NRG3: variants seen among roughly 807,000 people sequenced by gnomAD.
NRG3 encodes the protein neuregulin 3.
A neutral mutation model predicts 66.9 loss-of-function variants in NRG3; 31 were observed. The observed-to-expected ratio is 0.46, with a 90% CI of 0.35 to 0.63. NRG3 has a LOEUF of 0.63. Among genes scored for constraint, NRG3 ranks in the 20% least tolerant of loss-of-function variants. The probability of loss-of-function intolerance (pLI) is 0.00; values close to 1 mark genes in which losing one functional copy is unlikely to be tolerated. For synonymous variants in NRG3, 393 were observed against 359.4 expected, an observed-to-expected ratio of 1.09 and a Z score of -1.06; for missense variants, 910 against 878.9, an observed-to-expected ratio of 1.04 and a Z score of -0.45.
chr10:82,242,658 TAGA>T (rs1332037657), intron 1 of NRG3, among the ~76,000 whole-genome samples: 2 of 152,184 alleles, frequency 1.3e-5, no homozygotes, highest in Non-Finnish European at 2.9e-5. Context: ...ACTTGTATTG[TAGA>T]AGAAGACTTT....
intron 3 of NRG3, among the ~76,000 whole-genome samples, chr10:82,809,372 A>G (rs1228620146): frequency 1.3e-5 from 2 of 151,674 alleles, no homozygotes; most frequent in South Asian, 2.1e-4. Flanking sequence ...TATACAAAAA[A>G]TATATATTAT....
intron 3 of NRG3, among the ~76,000 whole-genome samples, chr10:82,863,564 G>A (rs2064256372): frequency 6.6e-6 from 1 of 152,184 alleles, no homozygotes; most frequent in Non-Finnish European, 1.5e-5. Flanking sequence ...ACTGGCGTGA[G>A]ATGGTATCTC....
At chr10:82,314,261 AGAG>A in intron 1 of NRG3, among the ~76,000 whole-genome samples, 1 of 152,178 alleles carries the variant, frequency 6.6e-6, no homozygotes, top group East Asian at 1.9e-4. Flanking sequence ...GCCCTATAAT[AGAG>A]GAGTTGTGGG....
chr10:81,964,729 C>T (rs911777924), intron 1 of NRG3, among the ~76,000 whole-genome samples: 1 of 152,138 alleles, frequency 6.6e-6, no homozygotes, highest in African/African-American at 2.4e-5. Flanking sequence ...TACCACACGG[C>T]CTCATCAATG....
chr10:82,237,591 A>G (rs962314036), intron 1 of NRG3, among the ~76,000 whole-genome samples: 12 of 151,848 alleles, frequency 7.9e-5, no homozygotes, highest in Non-Finnish European at 1.8e-4. Flanking sequence ...GCTATATAGT[A>G]GTGCTTAATA....
chr10:81,880,959 A>G (rs1432573371), intron 1 of NRG3, among the ~76,000 whole-genome samples: 1 of 152,204 alleles, frequency 6.6e-6, no homozygotes, highest in Non-Finnish European at 1.5e-5. Flanking sequence ...TACATAATGA[A>G]GTGAGCAATG....
chr10:82,730,533 A>G (rs2057849517), intron 2 of NRG3, among the ~76,000 whole-genome samples: 1 of 152,254 alleles, frequency 6.6e-6, no homozygotes, highest in Non-Finnish European at 1.5e-5. Context: ...AGAGTTCTAA[A>G]GCAGCCGTTA....
rs574031239 is a variant in NRG3 at position 82,957,335 on chromosome 10, A to T, written c.1158-1614A>T. Among the ~76,000 whole-genome samples, 12 of 151,954 alleles carry T rather than the reference A, an allele frequency of 7.9e-5. No individual in the cohort carries two copies. The South Asian group carries it at 2.5e-3, about 32-fold the overall frequency. On this transcript the variant is annotated intron_variant, in intron 5 of 8. Coordinates refer to ENST00000372141, the MANE Select transcript of NRG3 (RefSeq NM_001010848.4). Reference sequence around the variant, plus strand: ...CAAATCCCAGTCCCTGTGATACAATAAGCCACGCTCTGTAGGGTGCTACTG... The same window carrying T: ...CAAATCCCAGTCCCTGTGATACAATTAGCCACGCTCTGTAGGGTGCTACTG...
rs114257205 is a variant in NRG3, at chr10:82,325,026, G to A, written c.824-33713G>A. ...GTTAAAATAGCAGATTATAATGGTG[G>A]ATTTGTCCATTTCTCCCTTGCAGTT... On this transcript the variant is annotated intron_variant, in intron 1 of 8. Coordinates refer to ENST00000372141, the MANE Select transcript of NRG3 (RefSeq NM_001010848.4). Among the ~76,000 whole-genome samples, 1,152 of 152,134 alleles carry A rather than the reference G, an allele frequency of 7.6e-3. 14 individuals carry two copies. Among genetic ancestry groups the A allele is most frequent in the African/African-American group, 0.027 (1,110 of 41,482 alleles).
intron 2 of NRG3, among the ~76,000 whole-genome samples, chr10:82,675,047 C>T (rs1300056866): frequency 2.0e-5 from 3 of 151,946 alleles, no homozygotes; most frequent in African/African-American, 7.3e-5. Flanking sequence ...CAACCTCCGC[C>T]TCCTGGGTTC....
At chr10:82,127,022 T>C (rs927150294) in intron 1 of NRG3, among the ~76,000 whole-genome samples, 3 of 152,086 alleles carry the variant, frequency 2.0e-5, no homozygotes, top group African/African-American at 7.2e-5. Context: ...GTGAGAAAGT[T>C]GTTTTGACTT....
intron 1 of NRG3, among the ~76,000 whole-genome samples, chr10:82,292,305 AAAAG>A (rs2079793901): frequency 6.6e-6 from 1 of 152,166 alleles, no homozygotes; most frequent in Non-Finnish European, 1.5e-5. Context: ...AAGTTAAAAA[AAAAG>A]AAAAAAGGAA....
chr10:82,155,687 T>C (rs2071135866), intron 1 of NRG3, among the ~76,000 whole-genome samples: 1 of 151,854 alleles, frequency 6.6e-6, no homozygotes. Context: ...TGTATTTTGC[T>C]GACTGAAGAA....
intron 1 of NRG3, among the ~76,000 whole-genome samples, chr10:82,261,558 T>A (rs2078032710): frequency 6.6e-6 from 1 of 152,176 alleles, no homozygotes; most frequent in South Asian, 2.1e-4. Context: ...ATCAGGGGAC[T>A]GACAGCCTTC....
At chr10:82,152,655 A>G (rs569643551) in intron 1 of NRG3, among the ~76,000 whole-genome samples, 1 of 152,184 alleles carries the variant, frequency 6.6e-6, no homozygotes, top group South Asian at 2.1e-4. Flanking sequence ...TGTCAAATAG[A>G]TAATAATTCC....
chr10:81,963,154 G>T (rs2133295168), intron 1 of NRG3, among the ~76,000 whole-genome samples: 5 of 73,496 alleles, frequency 6.8e-5, no homozygotes, highest in Admixed American at 1.8e-4. Context: ...TTTTTTTTGA[G>T]ACGGAGTCTC....
chr10:82,062,435 A>G (rs1051160636), intron 1 of NRG3, among the ~76,000 whole-genome samples: 3 of 152,022 alleles, frequency 2.0e-5, no homozygotes, highest in African/African-American at 7.2e-5. Context: ...GTGAAACCCC[A>G]TCTCTACTAA....
intron 2 of NRG3, among the ~76,000 whole-genome samples, chr10:82,602,670 A>G (rs1323567992): frequency 3.3e-5 from 5 of 152,202 alleles, no homozygotes; most frequent in South Asian, 2.1e-4. Flanking sequence ...GAATGAGATC[A>G]TATATGAAGA....
Position 82,550,592 on chromosome 10 carries a change from C to G in NRG3, c.954-187985C>G, listed in dbSNP as rs900351657. 6.6e-5 allele frequency among the ~76,000 whole-genome samples: 10 copies of G among 152,058 alleles called. No homozygotes were observed. In the South Asian group the frequency reaches 8.3e-4, roughly 13 times the overall value. ...AACTTAATTGGGTGACTCCAAGATT[C>G]CTTTGTGTTTTTAGGATCTTTTCTT... On this transcript the variant is annotated intron_variant, in intron 2 of 8. Transcript: ENST00000372141.
Sources: allele counts gnomAD v4.1 joint callset (sites outside exome capture counted in the v4.1 genomes callset), GRCh38; gene constraint gnomAD v4.1.1; transcripts MANE v1.5; gene names NCBI Gene and HGNC (gene_info 2026-07-23, HGNC 2026-07-21).